The following SLC25A28 variants were observed in gnomAD, a reference collection of about 807,000 sequenced individuals.
SLC25A28 encodes mitoferrin-2.
In SLC25A28, 10 loss-of-function variants were observed where a neutral mutation model predicts 31.9. The observed-to-expected ratio is 0.31, with a 90% CI of 0.19 to 0.53. The LOEUF (loss-of-function observed/expected upper bound fraction) is 0.53, where lower values mean the gene tolerates loss of function less well. SLC25A28 is among the 20% of genes least tolerant of loss of function. SLC25A28 has a pLI of 0.95. For synonymous variants in SLC25A28, 208 were observed against 203.6 expected, an observed-to-expected ratio of 1.02 and a Z score of -0.19; for missense variants, 256 against 490.3, an observed-to-expected ratio of 0.52 and a Z score of 4.51.
chr10:99,658,343 G>A, the SLC25A28 span, among the ~76,000 whole-genome samples: 2 of 152,192 alleles, frequency 1.3e-5, no homozygotes, highest in South Asian at 2.1e-4. Flanking sequence ...TCATTCATTT[G>A]CTTATTAATT....
chr10:99,621,935 CCT>C (rs1342719375), upstream of SLC25A28: 3 of 152,230 alleles, frequency 2.0e-5, no homozygotes, highest in Admixed American at 1.3e-4. Context: ...CCTCCCATCC[CCT>C]GTGTGCACTC....
the SLC25A28 span, among the ~76,000 whole-genome samples, chr10:99,633,247 T>A: frequency 6.6e-6 from 1 of 152,174 alleles, no homozygotes; most frequent in Non-Finnish European, 1.5e-5. Flanking sequence ...TCTTACTACA[T>A]TTTTATTACA....
At chr10:99,643,678 T>C in the SLC25A28 span, among the ~76,000 whole-genome samples, 2 of 152,306 alleles carry the variant, frequency 1.3e-5, no homozygotes, top group Non-Finnish European at 2.9e-5. Context: ...TTTTAGATCT[T>C]TCCTGCTTTC....
At chr10:99,636,036 C>A in the SLC25A28 span, among the ~76,000 whole-genome samples, 2 of 152,196 alleles carry the variant, frequency 1.3e-5, no homozygotes, top group African/African-American at 4.8e-5. Context: ...AACTTCAATA[C>A]TCCACTGACG....
At chr10:99,623,935 C>T (rs1323026765), upstream of SLC25A28, among the ~76,000 whole-genome samples, 1 of 152,152 alleles carries the variant, frequency 6.6e-6, no homozygotes. Context: ...ATAAACTAGC[C>T]CAGTACTTCT....
Position 99,613,632 on chromosome 10 carries a change from A to G in SLC25A28, c.520+64T>C. On this transcript the variant is annotated intron_variant, in intron 2 of 3. Transcript: ENST00000370495. This position sits in a 1 kb window ranked among gnomAD's most constrained non-coding sequence, Gnocchi z 4.9. ...CCAAACCATGCTGAGACTGGAAAGC[A>G]CTGACAGCAGCAAAGCCCAAAGAGT... is the stretch of plus-strand genomic sequence containing the variant. 4 of 1,610,842 alleles carry G rather than the reference A, an allele frequency of 2.5e-6. No individual in the cohort carries two copies. The highest frequency in any genetic ancestry group is 3.4e-6 in the Non-Finnish European group (4 of 1,178,550).
At chr10:99,651,594 C>CTTTTTTT in the SLC25A28 span, among the ~76,000 whole-genome samples, 2 of 110,170 alleles carry the variant, frequency 1.8e-5, no homozygotes, top group Non-Finnish European at 1.8e-5. Flanking sequence ...TTTTTCTTTT[C>CTTTTTTT]TTTTTTTTTT....
At chr10:99,627,059 A>G in the SLC25A28 span, among the ~76,000 whole-genome samples, 16 of 152,092 alleles carry the variant, frequency 1.1e-4, no homozygotes. Context: ...TGGCCAACAT[A>G]GTGAAACACT....
the SLC25A28 span, among the ~76,000 whole-genome samples, chr10:99,648,244 C>T: frequency 6.6e-6 from 1 of 151,672 alleles, no homozygotes; most frequent in African/African-American, 2.4e-5. Context: ...AAGTAATCCA[C>T]CCTCTGTCTT....
chr10:99,633,153 T>C, the SLC25A28 span, among the ~76,000 whole-genome samples: 1 of 152,088 alleles, frequency 6.6e-6, no homozygotes, highest in African/African-American at 2.4e-5. Flanking sequence ...AAAAAAAAAG[T>C]TGGCCTCAAC....
chr10:99,654,031 T>A, the SLC25A28 span: 1 of 152,214 alleles, frequency 6.6e-6, no homozygotes, highest in Non-Finnish European at 1.5e-5. Context: ...GGAGTTCATT[T>A]GGTAGAGAAG....
At chr10:99,633,101 A>G in the SLC25A28 span, among the ~76,000 whole-genome samples, 1 of 152,160 alleles carries the variant, frequency 6.6e-6, no homozygotes, top group Non-Finnish European at 1.5e-5. Flanking sequence ...GTAACTAGCC[A>G]GTTATGAAGG....
chr10:99,658,790 C>T, the SLC25A28 span, among the ~76,000 whole-genome samples: 2 of 152,090 alleles, frequency 1.3e-5, no homozygotes, highest in African/African-American at 4.8e-5. Flanking sequence ...AATGAGATAA[C>T]GGCTGGTGTA....
chr10:99,626,048 C>G, the SLC25A28 span, among the ~76,000 whole-genome samples: 3 of 152,202 alleles, frequency 2.0e-5, no homozygotes, highest in African/African-American at 7.2e-5. Flanking sequence ...TGCATTTCCC[C>G]CTTTGTTCTT....
chr10:99,651,684 G>A, the SLC25A28 span, among the ~76,000 whole-genome samples: 4 of 146,932 alleles, frequency 2.7e-5, no homozygotes, highest in Admixed American at 7.1e-5. Flanking sequence ...TTGAACTCCC[G>A]GGCTCACATG....
At chr10:99,622,289 C>T (rs2034810444), upstream of SLC25A28, among the ~76,000 whole-genome samples, 1 of 152,160 alleles carries the variant, frequency 6.6e-6, no homozygotes, top group South Asian at 2.1e-4. Flanking sequence ...GTGTTCATGC[C>T]ACTACACTCC....
intron 1 of SLC25A28, chr10:99,615,655 G>A: frequency 3.0e-6 from 3 of 985,344 alleles, no homozygotes; most frequent in Non-Finnish European, 3.6e-6. Flanking sequence ...TCCAATAAAG[G>A]GTTTGTTTAC....
the SLC25A28 span, among the ~76,000 whole-genome samples, chr10:99,648,372 C>A: frequency 6.6e-6 from 1 of 152,116 alleles, no homozygotes; most frequent in African/African-American, 2.4e-5. Context: ...TAGTATAATT[C>A]AAAGTGAGTA....
chr10:99,625,659 T>C, the SLC25A28 span, among the ~76,000 whole-genome samples: 1 of 152,230 alleles, frequency 6.6e-6, no homozygotes, highest in African/African-American at 2.4e-5. Flanking sequence ...CATATATTTT[T>C]CCCCAGCTTC....
Sources: allele counts gnomAD v4.1 joint callset (sites outside exome capture counted in the v4.1 genomes callset), GRCh38; gene constraint gnomAD v4.1.1; non-coding constraint Gnocchi (gnomAD v3.1); transcripts MANE v1.5; gene names NCBI Gene and HGNC (gene_info 2026-07-23, HGNC 2026-07-21).